AFF3: variants seen among roughly 807,000 people sequenced by gnomAD.
AFF3 encodes the protein AF4/FMR2 family member 3.
A neutral mutation model predicts 129.7 loss-of-function variants in AFF3; 32 were observed. The ratio of observed to expected loss-of-function variants is 0.25; its 90% CI spans 0.19 to 0.33. The LOEUF is 0.33. Among genes scored for constraint, AFF3 ranks in the 10% least tolerant of loss-of-function variants. The probability of loss-of-function intolerance (pLI) is 1.00; values close to 1 mark genes in which losing one functional copy is unlikely to be tolerated. For synonymous variants in AFF3, 644 were observed against 635.4 expected (o/e 1.01, Z -0.20); for missense variants, 1,373 against 1,592.0 (o/e 0.86, Z 2.34).
intron 10 of AFF3, among the ~76,000 whole-genome samples, chr2:99,731,569 T>C (rs572115724): frequency 6.6e-6 from 1 of 152,344 alleles, no homozygotes; most frequent in South Asian, 2.1e-4. Context: ...AGATTTAAAA[T>C]ATTCATACTC....
chr2:100,141,532 C>T (rs766767675), intron 1 of AFF3, among the ~76,000 whole-genome samples: 2 of 152,126 alleles, frequency 1.3e-5, no homozygotes, highest in African/African-American at 2.4e-5. Flanking sequence ...TTAGTTTGTA[C>T]GATCAACATT....
chr2:99,728,333 A>T (rs1679528349), intron 10 of AFF3, among the ~76,000 whole-genome samples: 1 of 152,088 alleles, frequency 6.6e-6, no homozygotes, highest in African/African-American at 2.4e-5. Context: ...CTGTGGTAGT[A>T]ACTTGGTTTG....
chr2:99,873,838 C>G (rs913849764), intron 7 of AFF3, among the ~76,000 whole-genome samples: 1 of 151,622 alleles, frequency 6.6e-6, no homozygotes, highest in African/African-American at 2.4e-5. Flanking sequence ...GAGACACCAA[C>G]AGGTCAGAGA....
chr2:99,887,068 C>T (rs1693164000), intron 7 of AFF3, among the ~76,000 whole-genome samples: 1 of 152,166 alleles, frequency 6.6e-6, no homozygotes, highest in Non-Finnish European at 1.5e-5. Flanking sequence ...GTAGCCCATG[C>T]TTGAAAGAGA....
intron 4 of AFF3, among the ~76,000 whole-genome samples, chr2:100,063,647 T>C (rs1353002842): frequency 6.6e-5 from 10 of 151,716 alleles, no homozygotes; most frequent in Non-Finnish European, 1.5e-4. Flanking sequence ...GAGAATACAA[T>C]GAGAAGGTCC....
intron 7 of AFF3, among the ~76,000 whole-genome samples, chr2:99,902,519 G>A (rs1694422485): frequency 6.6e-6 from 1 of 152,014 alleles, no homozygotes; most frequent in South Asian, 2.1e-4. Flanking sequence ...ATCAATGCAG[G>A]GGTACCTCAT....
At chr2:99,794,529 G>C (rs189068900) in intron 8 of AFF3, among the ~76,000 whole-genome samples, 136 of 152,130 alleles carry the variant, frequency 8.9e-4, no homozygotes, top group African/African-American at 3.1e-3. Context: ...TAGCTCCATG[G>C]CAATTTTTAT....
chr2:99,668,489 T>C (rs950837300), intron 12 of AFF3, among the ~76,000 whole-genome samples: 33 of 150,464 alleles, frequency 2.2e-4, no homozygotes, highest in African/African-American at 7.8e-4. Context: ...AATTTTTAAG[T>C]TTAAAAATCT....
chr2:99,964,257 T>C (rs1677510389), intron 7 of AFF3, among the ~76,000 whole-genome samples: 1 of 152,154 alleles, frequency 6.6e-6, no homozygotes, highest in South Asian at 2.1e-4. Context: ...TCAACCAAGA[T>C]ATAATTGACA....
chr2:100,015,068 T>C (rs1682899413), intron 4 of AFF3, among the ~76,000 whole-genome samples: 1 of 150,546 alleles, frequency 6.6e-6, no homozygotes, highest in Non-Finnish European at 1.5e-5. Context: ...CCCCCCAAAG[T>C]GCTGGAATTA....
At chr2:99,614,545 A>C (rs2105240159) in intron 13 of AFF3, among the ~76,000 whole-genome samples, 2 of 152,338 alleles carry the variant, frequency 1.3e-5, no homozygotes, top group Middle Eastern at 3.4e-3. Context: ...GGTCCTAGTT[A>C]CTTCCATAAA....
intron 14 of AFF3, among the ~76,000 whole-genome samples, chr2:99,596,273 T>G (rs573006143): frequency 3.9e-5 from 6 of 152,268 alleles, no homozygotes; most frequent in Admixed American, 1.3e-4. Flanking sequence ...ACATGCCCAG[T>G]GCATGTGGCG....
chr2:100,051,365 A>G (rs2105143235), intron 4 of AFF3, among the ~76,000 whole-genome samples: 1 of 152,330 alleles, frequency 6.6e-6, no homozygotes, highest in East Asian at 1.9e-4. Context: ...GAACTAGTTA[A>G]GGCGGGAGCT....
intron 4 of AFF3, among the ~76,000 whole-genome samples, chr2:100,030,082 A>AATG: frequency 6.7e-6 from 1 of 150,014 alleles, no homozygotes; most frequent in East Asian, 1.9e-4. Context: ...TAATAATAAT[A>AATG]ATAATAATAA....
intron 11 of AFF3, among the ~76,000 whole-genome samples, chr2:99,723,918 G>T (rs531231717): frequency 1.3e-5 from 2 of 152,244 alleles, no homozygotes; most frequent in South Asian, 4.2e-4. Flanking sequence ...GGACACGTTG[G>T]GAGGAGACGG....
At chr2:99,859,327 G>A (rs1690792058) in intron 7 of AFF3, among the ~76,000 whole-genome samples, 2 of 152,068 alleles carry the variant, frequency 1.3e-5, no homozygotes, top group Admixed American at 1.3e-4. Context: ...TTTCTTTTGA[G>A]AGTGGTCTGG....
chr2:99,563,348 G>T (rs891325931), intron 20 of AFF3, among the ~76,000 whole-genome samples: 2 of 151,678 alleles, frequency 1.3e-5, no homozygotes, highest in African/African-American at 4.8e-5. Context: ...CGGCCACCAC[G>T]CCCGGCTAAT....
chr2:99,555,853 A>G (rs887553741), intron 22 of AFF3, among the ~76,000 whole-genome samples: 4 of 152,242 alleles, frequency 2.6e-5, no homozygotes. Context: ...TACAATGGCA[A>G]GATGTAAATG....
chr2:99,850,085 G>A (rs368987768), intron 7 of AFF3, among the ~76,000 whole-genome samples: 43 of 152,296 alleles, frequency 2.8e-4, no homozygotes, highest in African/African-American at 8.4e-4. Context: ...TTAGACCAGG[G>A]TAAGGGTATG....
Sources: allele counts gnomAD v4.1 joint callset (sites outside exome capture counted in the v4.1 genomes callset), GRCh38; gene constraint gnomAD v4.1.1; transcripts MANE v1.5; gene names NCBI Gene and HGNC (gene_info 2026-07-23, HGNC 2026-07-21).